The following TRPC3 variants were observed in gnomAD, a reference collection of about 807,000 sequenced individuals.
TRPC3 encodes the protein short transient receptor potential channel 3.
In TRPC3, 54 loss-of-function variants were observed where a neutral mutation model predicts 90.9. The ratio of observed to expected loss-of-function variants is 0.59; its 90% CI spans 0.48 to 0.75. The LOEUF is 0.75. Ranked by LOEUF, TRPC3 falls within the 30% of genes least tolerant of loss-of-function variation. TRPC3 has a pLI of 0.00. For missense variants in TRPC3, 918 were observed against 1,194.5 expected, an observed-to-expected ratio of 0.77 and a Z score of 3.41; for synonymous variants, 424 against 450.9, an observed-to-expected ratio of 0.94 and a Z score of 0.75.
In TRPC3 at chr4:121,932,540, C is replaced by A. The variant is rs369264817; in HGVS notation, c.718G>T (p.Ala240Ser). 9.7e-5 allele frequency: 157 copies of A among 1,614,110 alleles called. No individual in the cohort carries two copies. Among genetic ancestry groups the A allele is most frequent in the Non-Finnish European group, 1.3e-4 (153 of 1,180,048 alleles). Reference sequence around the variant, plus strand: ...ACTTCGTATTTCTGGCAGTGCGCCGCCAGGATGATGGGGGTGATGTCCGGC... The same window carrying A: ...ACTTCGTATTTCTGGCAGTGCGCCGACAGGATGATGGGGGTGATGTCCGGC... ...FSPDITPIILAAHCQKYEVVH... is the reference protein window; with the variant it reads ...FSPDITPIILSAHCQKYEVVH... The change falls in exon 2 of 12, where the codon GCG becomes TCG. Residue 240 changes from alanine (A) to serine (S), a missense_variant. Ala to Ser is a moderately conservative substitution (Grantham distance 99). Coordinates refer to ENST00000379645, the MANE Select transcript of TRPC3 (RefSeq NM_001130698.2). This position sits in a 1 kb window ranked among gnomAD's most constrained non-coding sequence, Gnocchi z 7.7.
chr4:121,929,691 T>C (rs991095085), intron 2 of TRPC3, among the ~76,000 whole-genome samples: 8 of 152,162 alleles, frequency 5.3e-5, no homozygotes, highest in Admixed American at 2.0e-4. Context: ...ACACCATACC[T>C]ACTGTATTCC....
Position 121,933,075 on chromosome 4 carries a change from A to C in TRPC3, c.216-33T>G, listed in dbSNP as rs560845490. 1.0e-5 allele frequency: 16 copies of C among 1,524,110 alleles called. No homozygotes were observed. In the East Asian group the frequency reaches 3.2e-4, roughly 30 times the overall value. The allele number at this position is 1,524,110 out of a possible 1,614,324, so 94.4% of individuals were successfully genotyped here. A position where few individuals can be genotyped will look rare whatever the true frequency, so the allele number is the denominator to read the frequency against. On this transcript the variant is annotated intron_variant, in intron 1 of 11. Transcript: ENST00000379645. ...GTAGCAACGATAAAACAACTGTAGA[A>C]TATTAGGGCACATTCCTTCCTTTCA...
intron 3 of TRPC3, among the ~76,000 whole-genome samples, chr4:121,920,220 AC>A (rs1197309418): frequency 6.6e-6 from 1 of 152,066 alleles, no homozygotes; most frequent in Non-Finnish European, 1.5e-5. Context: ...TACCTTACAG[AC>A]CCCTTAAAAA....
At chr4:121,906,219 C>T (rs909255739) in intron 7 of TRPC3, among the ~76,000 whole-genome samples, 2 of 152,060 alleles carry the variant, frequency 1.3e-5, no homozygotes, top group Non-Finnish European at 2.9e-5. Flanking sequence ...AACCAAAAGC[C>T]ACAGCTAGAA....
chr4:121,923,695 T>C (rs902639007), intron 3 of TRPC3, among the ~76,000 whole-genome samples: 1 of 152,140 alleles, frequency 6.6e-6, no homozygotes, highest in African/African-American at 2.4e-5. Flanking sequence ...GAGGCTTGGA[T>C]GGTTAGGTGA....
At chr4:121,902,053 A>G (rs1290996188) in intron 9 of TRPC3, among the ~76,000 whole-genome samples, 2 of 152,234 alleles carry the variant, frequency 1.3e-5, no homozygotes, top group Non-Finnish European at 2.9e-5. Context: ...GAGAAAAAAT[A>G]TCTACCTTCA....
chr4:121,881,092 G>A (rs1418334902), intron 11 of TRPC3, among the ~76,000 whole-genome samples: 2 of 152,034 alleles, frequency 1.3e-5, no homozygotes, highest in Non-Finnish European at 2.9e-5. Context: ...GAGACCCCCT[G>A]CCCTACTTCA....
chr4:121,938,892 G>T (rs1730215661), intron 1 of TRPC3, among the ~76,000 whole-genome samples: 1 of 150,690 alleles, frequency 6.6e-6, no homozygotes, highest in Non-Finnish European at 1.5e-5. Context: ...CACCCCTACT[G>T]CTCTTTTCAT....
At chr4:121,902,250 T>C (rs1433658879) in intron 9 of TRPC3, among the ~76,000 whole-genome samples, 1 of 152,196 alleles carries the variant, frequency 6.6e-6, no homozygotes, top group African/African-American at 2.4e-5. Flanking sequence ...ATTCTATCTC[T>C]GAAAGTTAGT....
rs2706801 is a variant in TRPC3, at chr4:121,876,357, C to T, written c.*3379G>A. Reference sequence around the variant, plus strand: ...GAAAGATTACCACCTTGGATGATGACATTAACCTCCTAAAACACCTCTATG... The same window carrying T: ...GAAAGATTACCACCTTGGATGATGATATTAACCTCCTAAAACACCTCTATG... On this transcript the variant is annotated 3_prime_UTR_variant, in exon 12 of 12. Coordinates refer to ENST00000379645, the MANE Select transcript of TRPC3 (RefSeq NM_001130698.2). Among the ~76,000 whole-genome samples the T allele has an allele frequency of 0.067, 10,185 of 152,136 alleles. 904 individuals are homozygous for T. The highest frequency in any genetic ancestry group is 0.19 in the East Asian group (1,005 of 5,178).
intron 1 of TRPC3, among the ~76,000 whole-genome samples, chr4:121,934,415 C>T (rs1730061338): frequency 6.6e-6 from 1 of 152,148 alleles, no homozygotes; most frequent in Non-Finnish European, 1.5e-5. Context: ...TCTTACCTTA[C>T]CCACTTCCAA....
chr4:121,942,076 G>A (rs1730338083), intron 1 of TRPC3, among the ~76,000 whole-genome samples: 1 of 152,142 alleles, frequency 6.6e-6, no homozygotes, highest in South Asian at 2.1e-4. Flanking sequence ...ACTGAAGAAA[G>A]AGGAAAGCGC....
chr4:121,894,129 C>G (rs1284926156), intron 10 of TRPC3, among the ~76,000 whole-genome samples: 1 of 152,010 alleles, frequency 6.6e-6, no homozygotes, highest in Non-Finnish European at 1.5e-5. Context: ...TACAGTGTTG[C>G]TTATAATAGC....
chr4:121,948,625 C>G (rs1730572656), intron 1 of TRPC3, among the ~76,000 whole-genome samples: 1 of 152,160 alleles, frequency 6.6e-6, no homozygotes, highest in Admixed American at 6.5e-5. Context: ...AATCTCACTG[C>G]TCCCCTATAC....
At chr4:121,904,655 T>C (rs1392684394) in intron 7 of TRPC3, 138 bp from the exon 8 acceptor site, 1 of 526,916 alleles carries the variant, frequency 1.9e-6, no homozygotes, top group Non-Finnish European at 3.1e-6. Flanking sequence ...GCAGGATTAC[T>C]TTGTTATGAC....
At chr4:121,930,830 TAAAAAAAAA>T (rs71599162) in intron 2 of TRPC3, 1 of 202,746 alleles carries the variant, frequency 4.9e-6, no homozygotes. Flanking sequence ...CTCTGAGATC[TAAAAAAAAA>T]AAAAAAAAAA....
chr4:121,949,674 G>GT (rs758823330), intron 1 of TRPC3, among the ~76,000 whole-genome samples: 1 of 152,134 alleles, frequency 6.6e-6, no homozygotes, highest in Non-Finnish European at 1.5e-5. Flanking sequence ...TAGAAGAAAC[G>GT]TTTTTAATGT....
At position 121,932,667 on chromosome 4, in the gene TRPC3, G is replaced by A. The variant is rs2149142727; in HGVS notation, c.591C>T (p.His197=). ...GACGCTTGCTGGCCGCGAAGCCAGG[G>A]TGGTTGAGGATGGCCTCTACGATGC... ...YVRIVEAILN[H]PGFAASKRLT... Residue 197 remains histidine, a synonymous_variant, in exon 2 of 12, where the codon CAC becomes CAT. Coordinates refer to ENST00000379645, the MANE Select transcript of TRPC3 (RefSeq NM_001130698.2). The surrounding 1 kb of genome is among the most constrained non-coding windows in gnomAD (Gnocchi z 7.7). 6.2e-7 allele frequency: 1 copy of A among 1,612,930 alleles called. No homozygotes were observed.
intron 8 of TRPC3, 103 bp downstream of exon 8, chr4:121,904,219 C>T: frequency 3.8e-6 from 4 of 1,040,770 alleles, no homozygotes; most frequent in Non-Finnish European, 4.1e-6. Context: ...ATATAAGCCT[C>T]TTTGTTACAT....
Sources: gnomAD v4.1 joint callset for allele counts (sites outside exome capture counted in the v4.1 genomes callset) on GRCh38, gnomAD v4.1.1 for gene constraint, Gnocchi (gnomAD v3.1) non-coding constraint, MANE v1.5 for transcripts, NCBI Gene and HGNC (gene_info 2026-07-23, HGNC 2026-07-21) for gene names.